Variants in ST3GAL3 observed in about 807,000 individuals in gnomAD.
ST3GAL3 encodes the protein CMP-N-acetylneuraminate-beta-1,4-galactoside alpha-2,3-sialyltransferase.
ST3GAL3 carries 21 observed loss-of-function variants against 50.1 expected under a neutral mutation model. The observed-to-expected ratio is 0.42, with a 90% CI of 0.30 to 0.60. The LOEUF (loss-of-function observed/expected upper bound fraction) is 0.60, where lower values mean the gene tolerates loss of function less well. Among genes scored for constraint, ST3GAL3 ranks in the 20% least tolerant of loss-of-function variants. The pLI, the probability that ST3GAL3 is intolerant of heterozygous loss-of-function variation, is 0.19. For synonymous variants in ST3GAL3, 183 were observed against 190.0 expected (o/e 0.96, Z 0.30); for missense variants, 353 against 489.4 (o/e 0.72, Z 2.63).
At chr1:43,863,315 C>A (rs2070470145) in intron 5 of ST3GAL3, among the ~76,000 whole-genome samples, 2 of 152,318 alleles carry the variant, frequency 1.3e-5, no homozygotes, top group Non-Finnish European at 2.9e-5. Flanking sequence ...TGAAGCCCTG[C>A]ACCCACTCCA....
chr1:43,786,829 G>A (rs2057402877), intron 2 of ST3GAL3, among the ~76,000 whole-genome samples: 1 of 152,106 alleles, frequency 6.6e-6, no homozygotes, highest in African/African-American at 2.4e-5. Flanking sequence ...GCTGTGTCTT[G>A]TGTTTAGCTT....
chr1:43,888,359 A>C (rs2076259025), intron 5 of ST3GAL3, among the ~76,000 whole-genome samples: 1 of 151,854 alleles, frequency 6.6e-6, no homozygotes, highest in African/African-American at 2.4e-5. Context: ...ACAACAACAA[A>C]AACCTACTGT....
rs78962106 is a variant in ST3GAL3, at chr1:43,750,733, T to TAA, written c.118+14367_118+14368dup. Among the ~76,000 whole-genome samples the TAA allele has an allele frequency of 5.7e-3, 789 of 138,228 alleles. 16 individuals carry two copies. The highest frequency in any genetic ancestry group is 0.02 in the African/African-American group (734 of 37,630). 90.7% of individuals were successfully genotyped at this position (138,228 alleles called of 152,430 possible). A position where few individuals can be genotyped will look rare whatever the true frequency, so the allele number is the denominator to read the frequency against. ...TGGAAGACCCTGTCTCTACAACAAGTAAAAAAAAAAAAAAATTAGCCCAGC... is the reference window on the plus strand; with the variant it reads ...TGGAAGACCCTGTCTCTACAACAAGTAAAAAAAAAAAAAAAAATTAGCCCAGC... On this transcript the variant is annotated intron_variant, in intron 2 of 11. Transcript: ENST00000347631.
intron 2 of ST3GAL3, chr1:43,736,624 T>C: frequency 3.1e-6 from 2 of 635,576 alleles, no homozygotes; most frequent in Admixed American, 5.1e-5. Flanking sequence ...GAGAATGTGC[T>C]ATTCTTCAAT....
At chr1:43,890,459 A>G (rs182156449) in intron 5 of ST3GAL3, among the ~76,000 whole-genome samples, 2 of 152,346 alleles carry the variant, frequency 1.3e-5, no homozygotes. Flanking sequence ...CTTTGCAAAG[A>G]GATGCACCTA....
At chr1:43,807,626 G>GCT (rs1232716763) in intron 3 of ST3GAL3, among the ~76,000 whole-genome samples, 1 of 152,050 alleles carries the variant, frequency 6.6e-6, no homozygotes, top group Admixed American at 6.6e-5. Flanking sequence ...ATTAGACAGG[G>GCT]GCAGGGAGAC....
intron 11 of ST3GAL3, among the ~76,000 whole-genome samples, chr1:43,928,525 G>A (rs565491173): frequency 4.5e-4 from 69 of 152,162 alleles, no homozygotes; most frequent in Middle Eastern, 3.4e-3. Flanking sequence ...CCTTGAACCC[G>A]GGGGGCGGAG....
At chr1:43,730,545 CTTTT>C (rs869078792) in intron 1 of ST3GAL3, among the ~76,000 whole-genome samples, 1 of 139,964 alleles carries the variant, frequency 7.1e-6, no homozygotes, top group Admixed American at 7.1e-5. Flanking sequence ...TTTTTCTTTT[CTTTT>C]TTTCTTTCTT....
chr1:43,903,204 G>A (rs1214833422), intron 9 of ST3GAL3, among the ~76,000 whole-genome samples: 1 of 152,214 alleles, frequency 6.6e-6, no homozygotes, highest in African/African-American at 2.4e-5. Context: ...GCTGCCTAAT[G>A]CCTCCAATGC....
rs2077741870 is a variant in ST3GAL3, at chr1:43,898,602, G to GGGC, written c.461+305_461+307dup. Among the ~76,000 whole-genome samples the GGGC allele has an allele frequency of 2.6e-5, 4 of 152,274 alleles. No homozygotes were observed. In the South Asian group the frequency reaches 8.3e-4, roughly 32 times the overall value. ...ATGGGACTGAGGGCCTGGGTGGCGG[G>GGGC]GGCAGGTGAAGGGGGCAAGGCTTAA... On this transcript the variant is annotated intron_variant, in intron 7 of 11. Coordinates refer to ENST00000347631, the MANE Select transcript of ST3GAL3 (RefSeq NM_006279.5).
intron 5 of ST3GAL3, among the ~76,000 whole-genome samples, chr1:43,873,124 G>A (rs2154249412): frequency 6.6e-6 from 1 of 152,322 alleles, no homozygotes; most frequent in South Asian, 2.1e-4. Context: ...GATCCTTCTA[G>A]CTGCCTTGAT....
intron 5 of ST3GAL3, among the ~76,000 whole-genome samples, chr1:43,855,803 T>C (rs2068239388): frequency 2.3e-5 from 1 of 42,876 alleles, no homozygotes; most frequent in Admixed American, 1.9e-4. Context: ...TTGATAAACA[T>C]AAAAACATTA....
chr1:43,838,420 TG>T, intron 5 of ST3GAL3, 109 bp downstream of exon 5: 1 of 1,051,764 alleles, frequency 9.5e-7, no homozygotes, highest in Admixed American at 1.7e-5. Context: ...CTGGAAACCA[TG>T]GGTTCCTGGA....
chr1:43,765,803 CCGCGCGTCCGCGT>C (rs1692645099), intron 2 of ST3GAL3, among the ~76,000 whole-genome samples: 7 of 137,870 alleles, frequency 5.1e-5, no homozygotes, highest in African/African-American at 2.2e-4. Context: ...GCGCGCGCGT[CCGCGCGTCCGCGT>C]GCGCTTTTTT....
At chr1:43,861,036 C>T (rs1267404000) in intron 5 of ST3GAL3, among the ~76,000 whole-genome samples, 6 of 152,194 alleles carry the variant, frequency 3.9e-5, no homozygotes, top group Admixed American at 6.5e-5. Flanking sequence ...CCTTGTGTGC[C>T]TGTGCCAGGT....
At chr1:43,802,776 A>G (rs1415316406) in intron 3 of ST3GAL3, among the ~76,000 whole-genome samples, 1 of 152,264 alleles carries the variant, frequency 6.6e-6, no homozygotes, top group African/African-American at 2.4e-5. Context: ...CTCAGTAATG[A>G]AAGTGAGCAT....
chr1:43,747,418 A>G (rs12403488), intron 2 of ST3GAL3, among the ~76,000 whole-genome samples: 49,962 of 151,638 alleles, frequency 0.33, 9,518 homozygotes, highest in East Asian at 0.53. Flanking sequence ...TCTCAAACAA[A>G]CAAACCAGCC....
chr1:43,730,349 A>G (rs1675062444), intron 1 of ST3GAL3, among the ~76,000 whole-genome samples: 1 of 152,146 alleles, frequency 6.6e-6, no homozygotes, highest in African/African-American at 2.4e-5. Flanking sequence ...TGCATTTGGC[A>G]CAGAAAGGAG....
intron 4 of ST3GAL3, among the ~76,000 whole-genome samples, chr1:43,829,965 C>T (rs1433676224): frequency 7.2e-6 from 1 of 138,042 alleles, no homozygotes; most frequent in Non-Finnish European, 1.5e-5. Context: ...GCATATATTG[C>T]AAAGCAACCC....
Sources: allele counts gnomAD v4.1 joint callset (sites outside exome capture counted in the v4.1 genomes callset), GRCh38; gene constraint gnomAD v4.1.1; transcripts MANE v1.5; gene names NCBI Gene and HGNC (gene_info 2026-07-23, HGNC 2026-07-21).